Variants in SLIT2 observed in about 807,000 individuals in gnomAD.
SLIT2 encodes slit homolog 2 protein.
A neutral mutation model predicts 185.7 loss-of-function variants in SLIT2; 41 were observed. That is an observed-to-expected ratio of 0.22 (90% CI 0.17 to 0.29). The LOEUF is 0.29. Among genes scored for constraint, SLIT2 ranks in the 10% least tolerant of loss-of-function variants. The pLI is 1.00. For synonymous variants in SLIT2, 693 were observed against 680.2 expected, an observed-to-expected ratio of 1.02 and a Z score of -0.29; for missense variants, 1,571 against 1,909.0, an observed-to-expected ratio of 0.82 and a Z score of 3.30.
chr4:20,516,283 A>G (rs1373837904), intron 11 of SLIT2, among the ~76,000 whole-genome samples: 3 of 152,206 alleles, frequency 2.0e-5, no homozygotes, highest in Non-Finnish European at 4.4e-5. Context: ...CTATTGTTCA[A>G]AAAGACTAGC....
At position 20,472,238 on chromosome 4, in the gene SLIT2, C is replaced by A. The variant is rs1439764765; in HGVS notation, c.467+4415C>A. 2.7e-3 allele frequency among the ~76,000 whole-genome samples: 100 copies of A among 37,366 alleles called. 1 individual carries two copies. Among genetic ancestry groups the A allele is most frequent in the African/African-American group, 1.0e-2 (90 of 9,026 alleles). 24.5% of individuals were successfully genotyped at this position (37,366 alleles called of 152,430 possible). A position where few individuals can be genotyped will look rare whatever the true frequency, so the allele number is the denominator to read the frequency against. ...TGTGTGTGTGTATATATATATAGAT[C>A]TATATATCTATATATAGATCTATAT... On this transcript the variant is annotated intron_variant, in intron 5 of 36. Coordinates refer to ENST00000504154, the MANE Select transcript of SLIT2 (RefSeq NM_004787.4).
At chr4:20,385,816 T>A (rs1724888257) in intron 4 of SLIT2, among the ~76,000 whole-genome samples, 1 of 152,158 alleles carries the variant, frequency 6.6e-6, no homozygotes, top group South Asian at 2.1e-4. Flanking sequence ...ATGAACACAA[T>A]TTTCATCTTG....
chr4:20,354,896 TGTGTGTGTGTGA>T (rs1344963709), intron 4 of SLIT2, among the ~76,000 whole-genome samples: 7 of 117,054 alleles, frequency 6.0e-5, no homozygotes, highest in African/African-American at 2.4e-4. Flanking sequence ...CGTGTGTGTG[TGTGTGTGTGTGA>T]GAGAGAGAGA....
At chr4:20,451,049 G>T (rs1438762807) in intron 4 of SLIT2, among the ~76,000 whole-genome samples, 1 of 152,134 alleles carries the variant, frequency 6.6e-6, no homozygotes, top group Non-Finnish European at 1.5e-5. Flanking sequence ...TATGTCTACA[G>T]CCACATTGTT....
Position 20,345,914 on chromosome 4 carries a change from T to C in SLIT2, c.395+77033T>C, listed in dbSNP as rs1490688190. On this transcript the variant is annotated intron_variant, in intron 4 of 36. Coordinates refer to ENST00000504154, the MANE Select transcript of SLIT2 (RefSeq NM_004787.4). ...AGCCAGTTTCCTGAAAAGAAGTACCTTGAAGCAAGATATCTGTAGACTAAT... is the reference window on the plus strand; with the variant it reads ...AGCCAGTTTCCTGAAAAGAAGTACCCTGAAGCAAGATATCTGTAGACTAAT... Among the ~76,000 whole-genome samples, 3 of 152,140 alleles carry C rather than the reference T, an allele frequency of 2.0e-5. No homozygotes were observed. The East Asian group carries it at 5.8e-4, about 29-fold the overall frequency.
At chr4:20,358,079 A>C (rs1397206337) in intron 4 of SLIT2, among the ~76,000 whole-genome samples, 3 of 152,130 alleles carry the variant, frequency 2.0e-5, no homozygotes, top group Non-Finnish European at 4.4e-5. Flanking sequence ...GGTATGTATT[A>C]ATGTTGTTTT....
At chr4:20,549,151 A>G (rs752981106) in intron 24 of SLIT2, 23 bp downstream of exon 24, 1 of 1,427,506 alleles carries the variant, frequency 7.0e-7, no homozygotes, top group Non-Finnish European at 9.9e-7. Context: ...TGTTCAACAG[A>G]ATATCTCTTT....
intron 29 of SLIT2, among the ~76,000 whole-genome samples, chr4:20,587,012 AT>A (rs1337301895): frequency 4.6e-5 from 7 of 151,904 alleles, no homozygotes; most frequent in Non-Finnish European, 1.0e-4. Context: ...ATGTTCGGTG[AT>A]AATAAAGAAA....
At chr4:20,449,743 A>G (rs936269592) in intron 4 of SLIT2, among the ~76,000 whole-genome samples, 6 of 152,198 alleles carry the variant, frequency 3.9e-5, no homozygotes, top group African/African-American at 1.2e-4. Context: ...TGCTTAAAAA[A>G]ATAGAACATC....
At chr4:20,268,915 G>A (rs778927174) in intron 4 of SLIT2, 34 bp downstream of exon 4, 4 of 1,249,514 alleles carry the variant, frequency 3.2e-6, no homozygotes, top group South Asian at 1.2e-5. Context: ...GTTGCTTTGG[G>A]TAGTACCTTG....
At position 20,491,761 on chromosome 4, in the gene SLIT2, G is replaced by C; in HGVS notation, c.776G>C (p.Gly259Ala). The stretch of plus-strand genomic sequence containing the variant: ...TAATTCCTGTTTATTTCTTTTTTAG[G>C]TCACCAGTCATTTATGGCTCCTTCT... ...EVQKREFVCS[G>A]HQSFMAPSCS... Residue 259 changes from glycine to alanine, a missense_variant and splice_region_variant, in exon 9 of 37, where the codon GGT becomes GCT. Around this residue, in one of 3 missense-constraint regions of SLIT2, gnomAD observed 1,202 missense variants for 1,416.4 expected, o/e 0.85. Transcript: ENST00000504154. 2 of 1,606,056 alleles carry C rather than the reference G, an allele frequency of 1.2e-6. No individual in the cohort carries two copies. Among genetic ancestry groups the C allele is most frequent in the Non-Finnish European group, 1.7e-6 (2 of 1,176,670 alleles).
At chr4:20,560,030 A>G (rs932786293) in intron 26 of SLIT2, among the ~76,000 whole-genome samples, 1 of 151,956 alleles carries the variant, frequency 6.6e-6, no homozygotes, top group Non-Finnish European at 1.5e-5. Context: ...TATACTATTA[A>G]GCATATATGC....
chr4:20,340,338 CA>C (rs1720860226), intron 4 of SLIT2, among the ~76,000 whole-genome samples: 1 of 152,032 alleles, frequency 6.6e-6, no homozygotes, highest in Admixed American at 6.5e-5. Flanking sequence ...ATAATAACCA[CA>C]AAAACAAAAT....
Position 20,480,144 on chromosome 4 carries a change from A to C in SLIT2, c.468-572A>C, listed in dbSNP as rs1489500759. On this transcript the variant is annotated intron_variant, in intron 5 of 36. Coordinates refer to ENST00000504154, the MANE Select transcript of SLIT2 (RefSeq NM_004787.4). ...TATAGAACAAATACTAGCTTTCTAAAGTGTATTTCTGGTTGGGAATAAGAG... is the reference window on the plus strand; with the variant it reads ...TATAGAACAAATACTAGCTTTCTAACGTGTATTTCTGGTTGGGAATAAGAG... Among the ~76,000 whole-genome samples the C allele has an allele frequency of 2.0e-5, 3 of 152,210 alleles. No individual in the cohort carries two copies. The East Asian group carries it at 5.8e-4, about 29-fold the overall frequency.
intron 11 of SLIT2, among the ~76,000 whole-genome samples, chr4:20,515,700 A>C (rs892346540): frequency 2.0e-5 from 3 of 152,104 alleles, no homozygotes; most frequent in African/African-American, 7.3e-5. Flanking sequence ...TATAAGTATA[A>C]TTTCCTTGAC....
intron 3 of SLIT2, among the ~76,000 whole-genome samples, chr4:20,266,116 CAT>C (rs1451858747): frequency 1.3e-5 from 2 of 151,132 alleles, no homozygotes; most frequent in African/African-American, 2.4e-5. Flanking sequence ...AATTAGAACA[CAT>C]GTTAGCTATT....
chr4:20,347,811 A>G (rs1050765126), intron 4 of SLIT2, among the ~76,000 whole-genome samples: 7 of 152,224 alleles, frequency 4.6e-5, no homozygotes. Context: ...AAAGGGTGAA[A>G]TGAAGAGAAG....
chr4:20,380,704 C>T (rs773309450), intron 4 of SLIT2, among the ~76,000 whole-genome samples: 7 of 151,444 alleles, frequency 4.6e-5, no homozygotes, highest in Non-Finnish European at 1.0e-4. Context: ...AGACATTACA[C>T]TAGAAAATAA....
chr4:20,426,113 G>C (rs1728538924), intron 4 of SLIT2, among the ~76,000 whole-genome samples: 1 of 152,108 alleles, frequency 6.6e-6, no homozygotes, highest in Non-Finnish European at 1.5e-5. Flanking sequence ...CTTCACCATT[G>C]CATCCTCAGT....
Sources: gnomAD v4.1 joint callset for allele counts (sites outside exome capture counted in the v4.1 genomes callset) on GRCh38, gnomAD v4.1.1 for gene constraint, gnomAD v4.1.1 regional missense constraint, MANE v1.5 for transcripts, NCBI Gene and HGNC (gene_info 2026-07-23, HGNC 2026-07-21) for gene names.